The following ASB11 variants were observed in gnomAD, a reference collection of about 807,000 sequenced individuals.
ASB11 encodes the protein ankyrin repeat and SOCS box protein 11.
In ASB11, 17 loss-of-function variants were observed where a neutral mutation model predicts 20.1. The ratio of observed to expected loss-of-function variants is 0.85; its 90% CI spans 0.58 to 1.27. ASB11 has a LOEUF of 1.27. Among genes scored for constraint, ASB11 ranks in the 50% most tolerant of loss-of-function variants. ASB11 has a pLI of 0.00. For synonymous variants in ASB11, 107 were observed against 105.6 expected (o/e 1.01, Z -0.08); for missense variants, 259 against 256.9 (o/e 1.01, Z -0.06).
intron 4 of ASB11, chrX:15,289,972 C>G: frequency 5.6e-6 from 1 of 180,058 alleles, no homozygotes; most frequent in Non-Finnish European, 1.0e-5. Flanking sequence ...TACAGTGAGC[C>G]GAGATAGCGC....
Position 15,293,174 on chromosome X carries a change from C to A in ASB11, c.516G>T (p.Lys172Asn). The change falls in exon 4 of 7, where the codon AAG (lysine) becomes AAT (asparagine). Residue 172 changes from lysine (K) to asparagine (N), a missense_variant. Coordinates refer to ENST00000480796, the MANE Select transcript of ASB11 (RefSeq NM_080873.3). ...HLASPIHEAV[K>N]RGHRECMEIL... ...GCATTGTGGTGGCTCATTTACCTCT[C>A]TTCACTGCCTCATGGATGGGCGAGG... The A allele has an allele frequency of 1.7e-6, 2 of 1,208,425 alleles. No individual in the cohort carries two copies. Among genetic ancestry groups the A allele is most frequent in the Non-Finnish European group, 2.2e-6 (2 of 894,096 alleles).
chrX:15,307,325 T>G (rs1227595040), intron 1 of ASB11, among the ~76,000 whole-genome samples: 1 of 112,116 alleles, frequency 8.9e-6, no homozygotes, highest in Non-Finnish European at 1.9e-5. Flanking sequence ...AAAGCAGCAG[T>G]CCCCAACCTT....
At chrX:15,300,725 A>G (rs1921037108) in intron 2 of ASB11, among the ~76,000 whole-genome samples, 1 of 112,036 alleles carries the variant, frequency 8.9e-6, no homozygotes, top group South Asian at 3.7e-4. Flanking sequence ...TGACTAATGT[A>G]CCATAGCTAT....
chrX:15,310,933 G>A (rs1343147674), intron 1 of ASB11, among the ~76,000 whole-genome samples: 3 of 112,011 alleles, frequency 2.7e-5, no homozygotes, highest in African/African-American at 9.7e-5. Context: ...GTTGCAGTGA[G>A]CCGAGATCAC....
chrX:15,295,397 T>A (rs1182419724), intron 3 of ASB11, among the ~76,000 whole-genome samples: 2 of 111,929 alleles, frequency 1.8e-5, no homozygotes, highest in Non-Finnish European at 3.8e-5. Flanking sequence ...GGGAGTAGGA[T>A]AAAGGAGAGG....
chrX:15,284,718 G>C (rs184158685), intron 6 of ASB11, among the ~76,000 whole-genome samples: 3 of 111,803 alleles, frequency 2.7e-5, no homozygotes. Context: ...CCAGAATATG[G>C]TTGAATAGGA....
intron 2 of ASB11, 95 bp from the exon 3 acceptor site, chrX:15,297,776 T>A: frequency 1.3e-6 from 1 of 794,607 alleles, no homozygotes; most frequent in Non-Finnish European, 1.8e-6. Context: ...CCTCAAGTGA[T>A]CTTCCTGCCT....
chrX:15,295,517 G>C (rs1457159859), intron 3 of ASB11, among the ~76,000 whole-genome samples: 1 of 111,625 alleles, frequency 9.0e-6, no homozygotes, highest in Non-Finnish European at 1.9e-5. Context: ...GGGAAACCAA[G>C]AGGATGTTTC....
intron 2 of ASB11, among the ~76,000 whole-genome samples, chrX:15,299,527 A>G (rs1012078141): frequency 3.6e-5 from 4 of 111,486 alleles, no homozygotes; most frequent in African/African-American, 1.3e-4. Flanking sequence ...TTCAGAGAGA[A>G]TAGATTGTAA....
chrX:15,314,603 G>T, intron 1 of ASB11: 1 of 932,700 alleles, frequency 1.1e-6, no homozygotes, highest in Non-Finnish European at 1.4e-6. Context: ...GAGAATCCTG[G>T]ATGCAAATTG....
intron 6 of ASB11, among the ~76,000 whole-genome samples, chrX:15,285,446 A>C (rs1164955891): frequency 9.1e-6 from 1 of 110,240 alleles, no homozygotes; most frequent in Non-Finnish European, 1.9e-5. Context: ...GCCAGTATTA[A>C]TCTTTCTAGA....
Position 15,287,867 on chromosome X carries a change from C to G in ASB11, c.847+14G>C, listed in dbSNP as rs778425250. ...TGCTTATGGAAGAGGAATGGATACCCAGCCCTTGGTTACCTTCACGGAGCA... is the reference window on the plus strand; with the variant it reads ...TGCTTATGGAAGAGGAATGGATACCGAGCCCTTGGTTACCTTCACGGAGCA... On this transcript the variant is annotated intron_variant, in intron 6 of 6. Transcript: ENST00000480796. 1 of 1,189,376 alleles carries G rather than the reference C, an allele frequency of 8.4e-7. No homozygotes were observed. The highest frequency in any genetic ancestry group is 3.0e-5 in the East Asian group (1 of 33,021).
Position 15,282,278 on chromosome X carries a change from G to A in ASB11, c.*1227C>T, listed in dbSNP as rs193268504. 1 of 111,271 alleles carries A rather than the reference G, an allele frequency of 9.0e-6. No individual in the cohort carries two copies. The highest frequency in any genetic ancestry group is 9.6e-5 in the Admixed American group (1 of 10,438). The allele number at this position is 111,271 out of a possible 1,213,427, so 9.2% of individuals were successfully genotyped here. A position where few individuals can be genotyped will look rare whatever the true frequency, so the allele number is the denominator to read the frequency against. ...TAGAACTGAATACTGAACCATGACA[G>A]TAATACTTACAATAATTAAAAGTCT... On this transcript the variant is annotated 3_prime_UTR_variant, in exon 7 of 7. Coordinates refer to ENST00000480796, the MANE Select transcript of ASB11 (RefSeq NM_080873.3).
At chrX:15,304,624 A>G (rs1921176957) in intron 1 of ASB11, among the ~76,000 whole-genome samples, 1 of 112,452 alleles carries the variant, frequency 8.9e-6, no homozygotes, top group Admixed American at 9.4e-5. Context: ...TCACGCCTGT[A>G]ATCCCAGCAC....
intron 6 of ASB11, among the ~76,000 whole-genome samples, chrX:15,287,337 T>TG (rs1927414629): frequency 9.1e-6 from 1 of 110,492 alleles, no homozygotes; most frequent in East Asian, 2.8e-4. Flanking sequence ...TCTGGTTTTC[T>TG]TTTTTTTGAG....
chrX:15,293,134 A>G, intron 4 of ASB11, 36 bp downstream of exon 4: 1 of 1,195,387 alleles, frequency 8.4e-7, no homozygotes, highest in Non-Finnish European at 1.1e-6. Flanking sequence ...GAGTGAGCCC[A>G]TCAATGTTTC....
intron 1 of ASB11, among the ~76,000 whole-genome samples, chrX:15,309,417 G>T (rs1405551042): frequency 9.1e-6 from 1 of 109,307 alleles, no homozygotes; most frequent in African/African-American, 3.3e-5. Context: ...CCATCTAGTT[G>T]CAGGAAAACA....
At chrX:15,301,435 T>C (rs1921062817) in intron 2 of ASB11, among the ~76,000 whole-genome samples, 1 of 111,536 alleles carries the variant, frequency 9.0e-6, no homozygotes, top group Non-Finnish European at 1.9e-5. Context: ...TTACCTCTAC[T>C]TTTTAAGAAG....
intron 3 of ASB11, among the ~76,000 whole-genome samples, chrX:15,295,243 A>T (rs5934232): frequency 0.32 from 35,431 of 109,237 alleles, 4,690 homozygotes; most frequent in South Asian, 0.56. Context: ...GGGTTTCACC[A>T]TGTTGGCCAG....
Sources: gnomAD v4.1 joint callset for allele counts (sites outside exome capture counted in the v4.1 genomes callset) on GRCh38, gnomAD v4.1.1 for gene constraint, MANE v1.5 for transcripts, NCBI Gene and HGNC (gene_info 2026-07-23, HGNC 2026-07-21) for gene names.